The following TG variants were observed in gnomAD, a reference collection of about 807,000 sequenced individuals.
TG encodes thyroid hormones.
TG carries 270 observed loss-of-function variants against 324.7 expected under a neutral mutation model. The ratio of observed to expected loss-of-function variants is 0.83; its 90% confidence interval spans 0.75 to 0.92. TG has a LOEUF of 0.92. Among genes scored for constraint, TG ranks in the 40% least tolerant of loss-of-function variants. The probability of loss-of-function intolerance (pLI) is 0.00; values close to 1 mark genes in which losing one functional copy is unlikely to be tolerated. For synonymous variants in TG, 1,401 were observed against 1,327.0 expected (o/e 1.06, Z -1.21); for missense variants, 3,591 against 3,456.4 (o/e 1.04, Z -0.98).
At chr8:133,074,625 C>T (rs147136513) in intron 41 of TG, among the ~76,000 whole-genome samples, 109 of 152,354 alleles carry the variant, frequency 7.2e-4, no homozygotes, top group African/African-American at 2.5e-3. Context: ...CAGCATCCTG[C>T]CCCTGCTCCT....
chr8:132,916,001 C>G (rs1316464890), intron 20 of TG, among the ~76,000 whole-genome samples: 1 of 152,140 alleles, frequency 6.6e-6, no homozygotes, highest in African/African-American at 2.4e-5. Flanking sequence ...ATTCGTGTGG[C>G]CTTACTAACA....
chr8:132,947,224 T>C (rs939640222), intron 26 of TG, among the ~76,000 whole-genome samples: 1 of 152,220 alleles, frequency 6.6e-6, no homozygotes, highest in Non-Finnish European at 1.5e-5. Flanking sequence ...TGATTCTCCA[T>C]GGTGCTCTTT....
intron 43 of TG, among the ~76,000 whole-genome samples, chr8:133,102,192 G>A (rs987647130): frequency 3.3e-5 from 5 of 152,276 alleles, no homozygotes; most frequent in East Asian, 1.9e-4. Flanking sequence ...TACAAAGAAC[G>A]TCCAATCTCT....
chr8:132,983,885 C>T (rs1302068297), intron 35 of TG: 1 of 240,046 alleles, frequency 4.2e-6, no homozygotes. Flanking sequence ...GCCCTGAGTC[C>T]AGGAGCCCAG....
intron 35 of TG, among the ~76,000 whole-genome samples, chr8:132,994,277 A>C (rs977284110): frequency 3.9e-5 from 6 of 152,254 alleles, no homozygotes; most frequent in Admixed American, 1.3e-4. Context: ...GGAATTAACA[A>C]AGTTATTCAC....
At chr8:132,968,095 G>T (rs903237149) in intron 31 of TG, 125 bp downstream of exon 31, 1 of 1,179,756 alleles carries the variant, frequency 8.5e-7, no homozygotes, top group Admixed American at 2.0e-5. Flanking sequence ...TTGGTTTCAA[G>T]AAGATGGGAA....
intron 45 of TG, among the ~76,000 whole-genome samples, chr8:133,130,772 G>T (rs1293650286): frequency 1.3e-5 from 2 of 152,186 alleles, no homozygotes; most frequent in Admixed American, 6.5e-5. Flanking sequence ...CACTGAGTTT[G>T]TGGTAATTTC....
chr8:133,044,005 T>G (rs1838816416), intron 41 of TG, among the ~76,000 whole-genome samples: 1 of 152,174 alleles, frequency 6.6e-6, no homozygotes, highest in African/African-American at 2.4e-5. Flanking sequence ...CTCCCCACTT[T>G]CCATGAACTA....
At chr8:133,066,700 C>T (rs969870623) in intron 41 of TG, among the ~76,000 whole-genome samples, 1 of 152,204 alleles carries the variant, frequency 6.6e-6, no homozygotes, top group African/African-American at 2.4e-5. Flanking sequence ...CTGTGTATCG[C>T]TGGGCAAGTT....
intron 32 of TG, among the ~76,000 whole-genome samples, chr8:132,971,181 G>A (rs1829467888): frequency 6.6e-6 from 1 of 152,222 alleles, no homozygotes; most frequent in Non-Finnish European, 1.5e-5. Flanking sequence ...AGCTGAGGGT[G>A]GGGCTTAGTT....
chr8:133,133,449 T>C (rs753584374), intron 46 of TG, 21 bp from the exon 47 acceptor site: 1 of 1,612,658 alleles, frequency 6.2e-7, no homozygotes, highest in Non-Finnish European at 8.5e-7. Context: ...CATGGATATT[T>C]CTTTCTTCTC....
At chr8:132,988,687 A>G (rs1204425806) in intron 35 of TG, 1 of 984,844 alleles carries the variant, frequency 1.0e-6, no homozygotes, top group Non-Finnish European at 1.2e-6. Context: ...TGTCAGACAA[A>G]TGTACATTGC....
intron 45 of TG, among the ~76,000 whole-genome samples, chr8:133,125,431 G>T (rs78159363): frequency 0.014 from 2,115 of 152,334 alleles, 35 homozygotes; most frequent in Non-Finnish European, 0.022. Context: ...CCAAAAGAAA[G>T]ATCATCAAAG....
intron 5 of TG, among the ~76,000 whole-genome samples, chr8:132,879,916 G>T (rs1437877602): frequency 6.6e-6 from 1 of 152,204 alleles, no homozygotes; most frequent in Non-Finnish European, 1.5e-5. Flanking sequence ...ATGTTGAGGT[G>T]GGTCTCTGGG....
chr8:132,919,435 T>C lies in TG; in HGVS notation c.4438T>C (p.Phe1480Leu), dbSNP rs755472930. The C allele has an allele frequency of 1.9e-6, 3 of 1,614,190 alleles. No homozygotes were observed. Among genetic ancestry groups the C allele is most frequent in the Non-Finnish European group, 2.5e-6 (3 of 1,180,028 alleles). ...DEECIPCPVG[F>L]YQEQAGSLAC... ...GGAATGCATTCCTTGTCCTGTTGGA[T>C]TCTACCAAGAACAGGCAGGGAGCTT... The change falls in exon 21 of 48, where the codon TTC becomes CTC. Residue 1480 changes from phenylalanine to leucine, a missense_variant. Coordinates refer to ENST00000220616, the MANE Select transcript of TG (RefSeq NM_003235.5).
chr8:132,978,796 T>G (rs2130635325), intron 34 of TG, among the ~76,000 whole-genome samples: 1 of 152,298 alleles, frequency 6.6e-6, no homozygotes, highest in Admixed American at 6.5e-5. Flanking sequence ...GGCAGAGACC[T>G]GCACACATGG....
intron 13 of TG, 130 bp from the exon 14 acceptor site, chr8:132,898,668 T>A (rs1345065007): frequency 1.3e-6 from 1 of 762,826 alleles, no homozygotes; most frequent in Non-Finnish European, 2.3e-6. Context: ...TCCTCAGAGA[T>A]TCTACCTCTC....
intron 38 of TG, among the ~76,000 whole-genome samples, chr8:133,018,729 A>G (rs1835290822): frequency 6.6e-6 from 1 of 151,964 alleles, no homozygotes; most frequent in South Asian, 2.1e-4. Context: ...TCCCAACTGA[A>G]TCTCCTTCCC....
intron 5 of TG, among the ~76,000 whole-genome samples, chr8:132,874,644 A>G (rs1304052723): frequency 1.3e-5 from 2 of 152,210 alleles, no homozygotes; most frequent in African/African-American, 2.4e-5. Flanking sequence ...GAACTGTCCC[A>G]CAGGCAGACT....
Sources: allele counts gnomAD v4.1 joint callset (sites outside exome capture counted in the v4.1 genomes callset), GRCh38; gene constraint gnomAD v4.1.1; transcripts MANE v1.5; gene names NCBI Gene and HGNC (gene_info 2026-07-23, HGNC 2026-07-21).